Variants in RBFOX1 observed in about 807,000 individuals in gnomAD.
The protein encoded by RBFOX1 is RNA binding fox-1 homolog 1.
Under a neutral mutation model 57.7 loss-of-function variants are expected in RBFOX1, and 8 were observed. That is an observed-to-expected ratio of 0.14 (90% CI 0.08 to 0.25). RBFOX1 has a LOEUF of 0.25. Ranked by LOEUF, RBFOX1 falls within the 10% of genes least tolerant of loss-of-function variation. RBFOX1 has a pLI of 1.00. For missense variants in RBFOX1, 611 were observed against 548.5 expected (o/e 1.11, Z -1.14); for synonymous variants, 326 against 222.4 (o/e 1.47, Z -4.15).
Position 6,109,279 on chromosome 16 carries a change from A to T in RBFOX1, c.-127+89287A>T, listed in dbSNP as rs931759564. On this transcript the variant is annotated intron_variant, in intron 1 of 15. Transcript: ENST00000550418. ...AAAAGCATTTCTTGATCATCTTTGG[A>T]TCAATATGTAATATTTATATTTCAC... 5.3e-5 allele frequency among the ~76,000 whole-genome samples: 8 copies of T among 152,160 alleles called. No homozygotes were observed. The East Asian group carries it at 1.5e-3, about 29-fold the overall frequency.
chr16:5,730,490 C>G (rs1374265983), intron 3 of RBFOX1, among the ~76,000 whole-genome samples: 2 of 152,106 alleles, frequency 1.3e-5, no homozygotes, highest in African/African-American at 4.8e-5. Flanking sequence ...TATCAGTGTC[C>G]AAGATTTGAC....
At chr16:7,377,690 G>T (rs914989748) in intron 4 of RBFOX1, among the ~76,000 whole-genome samples, 1 of 152,142 alleles carries the variant, frequency 6.6e-6, no homozygotes, top group African/African-American at 2.4e-5. Context: ...ACATATATTT[G>T]TAGAGAACCT....
chr16:5,333,938 A>T (rs1054276589), intron 1 of RBFOX1, among the ~76,000 whole-genome samples: 1 of 152,230 alleles, frequency 6.6e-6, no homozygotes, highest in Non-Finnish European at 1.5e-5. Context: ...AAACAGCATT[A>T]TGCAGTACAT....
chr16:7,224,335 T>C (rs1473005141), intron 4 of RBFOX1, among the ~76,000 whole-genome samples: 1 of 152,154 alleles, frequency 6.6e-6, no homozygotes, highest in African/African-American at 2.4e-5. Flanking sequence ...ATCAGTATAC[T>C]AATTCTACCA....
intron 3 of RBFOX1, among the ~76,000 whole-genome samples, chr16:6,955,458 G>C (rs1418067062): frequency 6.6e-6 from 1 of 151,872 alleles, no homozygotes; most frequent in Non-Finnish European, 1.5e-5. Context: ...CCACTGGTTA[G>C]AAGTACTTAA....
At chr16:5,679,356 T>C (rs2050261037) in intron 3 of RBFOX1, among the ~76,000 whole-genome samples, 1 of 151,050 alleles carries the variant, frequency 6.6e-6, no homozygotes, top group African/African-American at 2.5e-5. Context: ...TAAAAAACAA[T>C]TTAAGTTCTG....
intron 3 of RBFOX1, among the ~76,000 whole-genome samples, chr16:5,730,854 A>G (rs1457035752): frequency 6.6e-6 from 1 of 152,098 alleles, no homozygotes; most frequent in African/African-American, 2.4e-5. Flanking sequence ...TGTCATTATC[A>G]CTATCATCAT....
At chr16:6,802,095 A>C (rs2085605469) in intron 3 of RBFOX1, among the ~76,000 whole-genome samples, 1 of 152,018 alleles carries the variant, frequency 6.6e-6, no homozygotes, top group African/African-American at 2.4e-5. Flanking sequence ...TTAATCCTAA[A>C]CAAGTCCTGT....
intron 3 of RBFOX1, among the ~76,000 whole-genome samples, chr16:6,994,773 T>G (rs904560495): frequency 5.3e-5 from 8 of 152,210 alleles, no homozygotes; most frequent in African/African-American, 1.9e-4. Flanking sequence ...CTTGAAACAT[T>G]TATATATGTT....
intron 2 of RBFOX1, among the ~76,000 whole-genome samples, chr16:5,566,944 G>T: frequency 6.6e-6 from 1 of 152,208 alleles, no homozygotes; most frequent in South Asian, 2.1e-4. Context: ...TCCATGTGTC[G>T]CAATTCATCA....
At chr16:7,534,959 T>G (rs979484300) in intron 5 of RBFOX1, among the ~76,000 whole-genome samples, 1 of 152,296 alleles carries the variant, frequency 6.6e-6, no homozygotes, top group Admixed American at 6.5e-5. Flanking sequence ...GCTGAGCCCT[T>G]GGTAATGACA....
At chr16:5,439,593 C>T (rs779471384) in intron 1 of RBFOX1, among the ~76,000 whole-genome samples, 2 of 151,972 alleles carry the variant, frequency 1.3e-5, no homozygotes, top group Admixed American at 6.6e-5. Context: ...AGAGAAAGGA[C>T]GTCTCTGAGA....
At chr16:6,140,372 T>G in intron 1 of RBFOX1, among the ~76,000 whole-genome samples, 1 of 152,022 alleles carries the variant, frequency 6.6e-6, no homozygotes, top group African/African-American at 2.4e-5. Flanking sequence ...TTTAATATTT[T>G]TTTTGTAGAC....
At chr16:5,583,657 C>T (rs775678173) in intron 2 of RBFOX1, among the ~76,000 whole-genome samples, 8 of 152,160 alleles carry the variant, frequency 5.3e-5, no homozygotes, top group Non-Finnish European at 1.2e-4. Context: ...TTGGGCTGGG[C>T]TTCAGTTTCC....
At chr16:5,911,069 C>G (rs943191872) in intron 4 of RBFOX1, among the ~76,000 whole-genome samples, 1 of 152,182 alleles carries the variant, frequency 6.6e-6, no homozygotes, top group Non-Finnish European at 1.5e-5. Context: ...GGATCTTTGA[C>G]TTAGCATCTG....
intron 1 of RBFOX1, among the ~76,000 whole-genome samples, chr16:5,331,857 C>A (rs1018253670): frequency 8.5e-5 from 13 of 152,242 alleles, no homozygotes; most frequent in African/African-American, 2.9e-4. Context: ...CCCTGGGCAC[C>A]AACCCCTGTG....
intron 5 of RBFOX1, among the ~76,000 whole-genome samples, chr16:7,565,411 G>A (rs2091434161): frequency 6.6e-6 from 1 of 152,088 alleles, no homozygotes; most frequent in Non-Finnish European, 1.5e-5. Flanking sequence ...TAGGTATATT[G>A]CAGAGCTCTG....
At chr16:6,705,544 A>G (rs2062585787) in intron 3 of RBFOX1, 1 of 152,022 alleles carries the variant, frequency 6.6e-6, no homozygotes, top group South Asian at 2.1e-4. Flanking sequence ...AGTTTCTAAT[A>G]CCATTCTCCA....
At chr16:5,709,066 C>T (rs556186196) in intron 3 of RBFOX1, among the ~76,000 whole-genome samples, 2 of 152,290 alleles carry the variant, frequency 1.3e-5, no homozygotes, top group Admixed American at 6.5e-5. Context: ...CATAATAGAT[C>T]CCGTGAGTCA....
Sources: allele counts gnomAD v4.1 joint callset (sites outside exome capture counted in the v4.1 genomes callset), GRCh38; gene constraint gnomAD v4.1.1; transcripts MANE v1.5; gene names NCBI Gene and HGNC (gene_info 2026-07-23, HGNC 2026-07-21).